BEGAIN: variants seen among roughly 807,000 people sequenced by gnomAD.
BEGAIN encodes brain-enriched guanylate kinase-associated protein.
Under a neutral mutation model 35.8 loss-of-function variants are expected in BEGAIN, and 19 were observed. The observed-to-expected ratio is 0.53, with a 90% confidence interval of 0.37 to 0.78. The LOEUF is 0.78. BEGAIN is among the 30% of genes least tolerant of loss of function. BEGAIN has a pLI of 0.00. For missense variants in BEGAIN, 795 were observed against 853.6 expected, an observed-to-expected ratio of 0.93 and a Z score of 0.85; for synonymous variants, 462 against 388.6, an observed-to-expected ratio of 1.19 and a Z score of -2.22.
In BEGAIN at chr14:100,538,680, C is replaced by T. The variant is rs975250511; in HGVS notation, c.1128G>A (p.Ala376=). Residue 376 remains alanine (A), a synonymous_variant, in exon 7 of 7, where the codon GCG becomes GCA. Coordinates refer to ENST00000554140, the MANE Select transcript of BEGAIN (RefSeq NM_001385089.1). ...PRFAKATAAV[A]APLEAEVAPG... ...GGGCCACTTCGGCCTCCAGCGGGGC[C>T]GCCACCGCGGCCGTGGCCTTGGCAA... The T allele has an allele frequency of 1.7e-5, 27 of 1,552,200 alleles. No individual in the cohort carries two copies. In the East Asian group the frequency reaches 4.6e-4, roughly 27 times the overall value.
chr14:100,555,773 G>A (rs970971642), intron 2 of BEGAIN, among the ~76,000 whole-genome samples: 1 of 152,208 alleles, frequency 6.6e-6, no homozygotes, highest in African/African-American at 2.4e-5. Context: ...GGTCGACCAC[G>A]GTGGCCCCGG....
chr14:100,586,573 A>G lies in BEGAIN; in HGVS notation c.42+676T>C, dbSNP rs2035449188. 6.6e-6 allele frequency among the ~76,000 whole-genome samples: 1 copy of G among 152,108 alleles called. No homozygotes were observed. The highest frequency in any genetic ancestry group is 1.5e-5 in the Non-Finnish European group (1 of 68,020). On this transcript the variant is annotated intron_variant, in intron 1 of 6. Transcript: ENST00000554140. This position sits in a 1 kb window ranked among gnomAD's most constrained non-coding sequence, Gnocchi z 4.9. ...AGGAAGCGGAAACGCTGGGGCAGAAATTCCCATCCAACGTGCTGGGGCTCA... is the reference window on the plus strand; with the variant it reads ...AGGAAGCGGAAACGCTGGGGCAGAAGTTCCCATCCAACGTGCTGGGGCTCA...
chr14:100,572,590 G>A (rs2035108624), intron 1 of BEGAIN, among the ~76,000 whole-genome samples: 1 of 152,156 alleles, frequency 6.6e-6, no homozygotes, highest in Non-Finnish European at 1.5e-5. Context: ...CTCCTGGAGG[G>A]GAGGAAATGA....
chr14:100,542,588 C>T lies in BEGAIN; in HGVS notation c.408+1270G>A, dbSNP rs574196519. Among the ~76,000 whole-genome samples, 3 of 152,394 alleles carry T rather than the reference C, an allele frequency of 2.0e-5. No individual in the cohort carries two copies. The South Asian group carries it at 6.2e-4, about 32-fold the overall frequency. ...TCCCCAGCCAGGAAATGGCAGGCAA[C>T]TCCTTTTGTTTGGGCTCTGAATCCT... On this transcript the variant is annotated intron_variant, in intron 5 of 6. Coordinates refer to ENST00000554140, the MANE Select transcript of BEGAIN (RefSeq NM_001385089.1).
rs1267807074 is a variant in BEGAIN at position 100,586,887 on chromosome 14, C to A, written c.42+362G>T. Among the ~76,000 whole-genome samples the A allele has an allele frequency of 6.6e-6, 1 of 152,082 alleles. No homozygotes were observed. Among genetic ancestry groups the A allele is most frequent in the East Asian group, 2.0e-4 (1 of 5,126 alleles). ...CCTGCCCGCACCCTCGCCACCCGCCCGGGACAGCGGCGGGTCCCCAGTCCT... is the reference window on the plus strand; with the variant it reads ...CCTGCCCGCACCCTCGCCACCCGCCAGGGACAGCGGCGGGTCCCCAGTCCT... On this transcript the variant is annotated intron_variant, in intron 1 of 6. Coordinates refer to ENST00000554140, the MANE Select transcript of BEGAIN (RefSeq NM_001385089.1). This position sits in a 1 kb window ranked among gnomAD's most constrained non-coding sequence, Gnocchi z 4.9.
At position 100,568,092 on chromosome 14, in the gene BEGAIN, G is replaced by A. The variant is rs564618497; in HGVS notation, c.43-153C>T. ...CCGCGCGTCCCCAGCTTCCAGTCCC[G>A]GCCGCGGCCCCCGTGACTCAGTGGG... On this transcript the variant is annotated intron_variant, in intron 1 of 6. Transcript: ENST00000554140. The surrounding 1 kb of genome is among the most constrained non-coding windows in gnomAD (Gnocchi z 7.5). 313 of 1,048,854 alleles carry A rather than the reference G, an allele frequency of 3.0e-4. 4 individuals carry two copies. In the Admixed American group the frequency reaches 0.016, roughly 54 times the overall value. 65.0% of individuals were successfully genotyped at this position (1,048,854 alleles called of 1,614,324 possible). A position where few individuals can be genotyped will look rare whatever the true frequency, so the allele number is the denominator to read the frequency against.
intron 1 of BEGAIN, among the ~76,000 whole-genome samples, chr14:100,571,223 TC>T (rs2035072388): frequency 6.6e-6 from 1 of 152,174 alleles, no homozygotes; most frequent in Non-Finnish European, 1.5e-5. Flanking sequence ...GCCACCTTTA[TC>T]TTCTGACCCC....
rs1042532539 is a variant in BEGAIN, at chr14:100,567,401, G to A, written c.71+510C>T. On this transcript the variant is annotated intron_variant, in intron 2 of 6. Coordinates refer to ENST00000554140, the MANE Select transcript of BEGAIN (RefSeq NM_001385089.1). This position sits in a 1 kb window ranked among gnomAD's most constrained non-coding sequence, Gnocchi z 5.1. Reference sequence around the variant, plus strand: ...CAAGACGCGGCTGCCTGGTCCAGCCGCGAGGACTCCATCCCCCACCCCCGC... The same window carrying A: ...CAAGACGCGGCTGCCTGGTCCAGCCACGAGGACTCCATCCCCCACCCCCGC... 1.3e-5 allele frequency among the ~76,000 whole-genome samples: 2 copies of A among 152,176 alleles called. No homozygotes were observed. The highest frequency in any genetic ancestry group is 1.9e-4 in the East Asian group (1 of 5,142).
At chr14:100,581,142 C>T (rs746979205) in intron 1 of BEGAIN, among the ~76,000 whole-genome samples, 10 of 152,216 alleles carry the variant, frequency 6.6e-5, no homozygotes, top group Non-Finnish European at 1.3e-4. Context: ...GTCAGGTGGG[C>T]ATGGGGCAGT....
intron 2 of BEGAIN, 158 bp from the exon 3 acceptor site, chr14:100,546,820 A>C: frequency 8.9e-6 from 5 of 559,416 alleles, no homozygotes; most frequent in Non-Finnish European, 1.4e-5. Context: ...ACACTCACAC[A>C]CACCCAGCCT....
chr14:100,580,889 G>A (rs1005340216), intron 1 of BEGAIN, among the ~76,000 whole-genome samples: 47 of 152,134 alleles, frequency 3.1e-4, no homozygotes, highest in African/African-American at 1.1e-3. Flanking sequence ...TACTGTGACT[G>A]GAAACAGGAT....
At position 100,568,713 on chromosome 14, in the gene BEGAIN, C is replaced by T. The variant is rs1416732645; in HGVS notation, c.43-774G>A. On this transcript the variant is annotated intron_variant, in intron 1 of 6. Transcript: ENST00000554140. The surrounding 1 kb of genome is among the most constrained non-coding windows in gnomAD (Gnocchi z 7.5). ...CACCCGCCGCCGTTAACCTTGTGGG[C>T]GCGGGCGAGCGACGGGGACCGCGAG... is the stretch of plus-strand genomic sequence containing the variant. Among the ~76,000 whole-genome samples, 1 of 151,772 alleles carries T rather than the reference C, an allele frequency of 6.6e-6. No homozygotes were observed. Among genetic ancestry groups the T allele is most frequent in the African/African-American group, 2.4e-5 (1 of 41,374 alleles).
intron 1 of BEGAIN, among the ~76,000 whole-genome samples, chr14:100,585,781 C>A (rs2139775026): frequency 6.6e-6 from 1 of 152,278 alleles, no homozygotes; most frequent in Admixed American, 6.5e-5. Flanking sequence ...CCACTCAGCT[C>A]CCAGGTGCGA....
chr14:100,573,798 A>G lies in BEGAIN; in HGVS notation c.43-5859T>C, dbSNP rs1300519626. Among the ~76,000 whole-genome samples the G allele has an allele frequency of 6.6e-6, 1 of 152,094 alleles. No individual in the cohort carries two copies. Among genetic ancestry groups the G allele is most frequent in the Non-Finnish European group, 1.5e-5 (1 of 68,002 alleles). ...AGGAGATGTGAACCTGGAAATGGCC[A>G]GATCAGAGGTGACACAGCCGCAGCA... is the stretch of plus-strand genomic sequence containing the variant. On this transcript the variant is annotated intron_variant, in intron 1 of 6. Transcript: ENST00000554140. This position sits in a 1 kb window ranked among gnomAD's most constrained non-coding sequence, Gnocchi z 4.2.
chr14:100,551,267 C>T (rs931297535), intron 2 of BEGAIN, among the ~76,000 whole-genome samples: 2 of 152,188 alleles, frequency 1.3e-5, no homozygotes, highest in Admixed American at 6.5e-5. Flanking sequence ...CTGGAGGACA[C>T]AGCGCCCAGA....
chr14:100,579,077 T>A (rs1340187382), intron 1 of BEGAIN, among the ~76,000 whole-genome samples: 3 of 152,194 alleles, frequency 2.0e-5, no homozygotes, highest in African/African-American at 7.2e-5. Context: ...GTCAGGCTAG[T>A]CTCGAACTCC....
rs569301200 is a variant in BEGAIN, at chr14:100,567,628, G to A, written c.71+283C>T. ...CAGAGGGGCGCTGAGGACCGCACAG[G>A]ACCAGGCGGCCCCGGGTAGGGGGCA... On this transcript the variant is annotated intron_variant, in intron 2 of 6. Transcript: ENST00000554140. This position sits in a 1 kb window ranked among gnomAD's most constrained non-coding sequence, Gnocchi z 5.1. Among the ~76,000 whole-genome samples, 676 of 151,858 alleles carry A rather than the reference G, an allele frequency of 4.5e-3. 3 individuals carry two copies. The highest frequency in any genetic ancestry group is 0.016 in the African/African-American group (648 of 41,494).
intron 3 of BEGAIN, chr14:100,545,547 CTGAG>C (rs2032266199): frequency 1.7e-6 from 1 of 591,880 alleles, no homozygotes; most frequent in South Asian, 7.4e-5. Context: ...AGGAGTGGAG[CTGAG>C]TGTCAGGTGG....
In BEGAIN at chr14:100,558,627, C is replaced by A. The variant is rs2033969673; in HGVS notation, c.71+9284G>T. On this transcript the variant is annotated intron_variant, in intron 2 of 6. Coordinates refer to ENST00000554140, the MANE Select transcript of BEGAIN (RefSeq NM_001385089.1). This position sits in a 1 kb window ranked among gnomAD's most constrained non-coding sequence, Gnocchi z 4.6. Reference sequence around the variant, plus strand: ...CTGGGCGCAGCTGAGCTCCCATCGCCCCTACAAATCCACAGCCTACCCCCA... The same window carrying A: ...CTGGGCGCAGCTGAGCTCCCATCGCACCTACAAATCCACAGCCTACCCCCA... Among the ~76,000 whole-genome samples the A allele has an allele frequency of 6.6e-6, 1 of 152,330 alleles. No homozygotes were observed. The highest frequency in any genetic ancestry group is 1.9e-4 in the East Asian group (1 of 5,188).
Sources: gnomAD v4.1 joint callset for allele counts (sites outside exome capture counted in the v4.1 genomes callset) on GRCh38, gnomAD v4.1.1 for gene constraint, Gnocchi (gnomAD v3.1) non-coding constraint, MANE v1.5 for transcripts, NCBI Gene and HGNC (gene_info 2026-07-23, HGNC 2026-07-21) for gene names.